SGCD: variants seen among roughly 807,000 people sequenced by gnomAD.
SGCD encodes the protein delta-sarcoglycan.
Under a neutral mutation model 36.6 loss-of-function variants are expected in SGCD, and 18 were observed. The ratio of observed to expected loss-of-function variants is 0.49; its 90% CI spans 0.34 to 0.73. SGCD has a LOEUF of 0.73. SGCD is among the 30% of genes least tolerant of loss of function. The pLI is 0.01. For synonymous variants in SGCD, 133 were observed against 130.6 expected, an observed-to-expected ratio of 1.02 and a Z score of -0.12; for missense variants, 387 against 346.7, an observed-to-expected ratio of 1.12 and a Z score of -0.92.
intron 3 of SGCD, among the ~76,000 whole-genome samples, chr5:156,433,151 A>G (rs188640738): frequency 1.1e-4 from 17 of 152,310 alleles, no homozygotes; most frequent in African/African-American, 3.1e-4. Flanking sequence ...TTACATTGCA[A>G]TCAGTTTGGA....
chr5:156,700,108 C>G (rs1373256901), intron 7 of SGCD, among the ~76,000 whole-genome samples: 1 of 152,166 alleles, frequency 6.6e-6, no homozygotes, highest in African/African-American at 2.4e-5. Flanking sequence ...CTCAGTCAAT[C>G]TAATTCTTTG....
chr5:156,396,693 CAG>C (rs934083903), intron 3 of SGCD, among the ~76,000 whole-genome samples: 10 of 151,986 alleles, frequency 6.6e-5, no homozygotes, highest in African/African-American at 2.4e-4. Context: ...GTGTGGGAGA[CAG>C]AAAAAAGAGT....
chr5:155,872,804 G>C (rs1395866868), intron 1 of SGCD, among the ~76,000 whole-genome samples: 1 of 152,178 alleles, frequency 6.6e-6, no homozygotes, highest in African/African-American at 2.4e-5. Context: ...GTGTGAGCAA[G>C]ATTTACGTGT....
chr5:156,112,257 T>C (rs1761805555), intron 1 of SGCD, among the ~76,000 whole-genome samples: 2 of 152,326 alleles, frequency 1.3e-5, no homozygotes, highest in East Asian at 1.9e-4. Context: ...TGGCACCAGA[T>C]GGCTAAGAAC....
chr5:156,458,741 T>A (rs1416047228), intron 3 of SGCD, among the ~76,000 whole-genome samples: 2 of 152,214 alleles, frequency 1.3e-5, no homozygotes, highest in Non-Finnish European at 2.9e-5. Context: ...ATCACGATCA[T>A]CCACCTGAAA....
At chr5:156,586,195 C>A (rs1035008201) in intron 4 of SGCD, among the ~76,000 whole-genome samples, 1 of 152,008 alleles carries the variant, frequency 6.6e-6, no homozygotes, top group African/African-American at 2.4e-5. Flanking sequence ...GTTTTGATGA[C>A]CTCGACAGTT....
intron 1 of SGCD, among the ~76,000 whole-genome samples, chr5:156,083,541 C>T (rs79716708): frequency 4.6e-5 from 7 of 151,438 alleles, no homozygotes; most frequent in East Asian, 3.9e-4. Context: ...GTGATCTGCC[C>T]GCCTCAACAT....
intron 1 of SGCD, among the ~76,000 whole-genome samples, chr5:155,968,552 ATTG>A (rs759450244): frequency 5.9e-5 from 9 of 151,748 alleles, no homozygotes; most frequent in Non-Finnish European, 8.8e-5. Flanking sequence ...TTTATTAATT[ATTG>A]TTGTTAATCT....
the SGCD span, among the ~76,000 whole-genome samples, chr5:155,805,190 G>A: frequency 6.6e-6 from 1 of 152,182 alleles, no homozygotes; most frequent in Admixed American, 6.5e-5. Flanking sequence ...GCTAATCAAG[G>A]GATAGAGGAG....
chr5:156,161,319 T>A (rs990616440), intron 3 of SGCD, among the ~76,000 whole-genome samples: 3 of 151,804 alleles, frequency 2.0e-5, no homozygotes, highest in Non-Finnish European at 2.9e-5. Context: ...TAGTAAACAT[T>A]CACTTTTATA....
chr5:156,721,711 A>G (rs1298365320), intron 7 of SGCD, among the ~76,000 whole-genome samples: 1 of 152,192 alleles, frequency 6.6e-6, no homozygotes, highest in Non-Finnish European at 1.5e-5. Context: ...CAAGTGGGGA[A>G]GAGAAGACCC....
At chr5:156,237,849 G>T (rs998233641) in intron 3 of SGCD, among the ~76,000 whole-genome samples, 1 of 152,060 alleles carries the variant, frequency 6.6e-6, no homozygotes, top group Admixed American at 6.6e-5. Flanking sequence ...CAGGATACAA[G>T]AGTCACAGAC....
chr5:155,748,906 C>T, the SGCD span, among the ~76,000 whole-genome samples: 1 of 152,140 alleles, frequency 6.6e-6, no homozygotes, highest in Admixed American at 6.5e-5. Context: ...CTCACAATGG[C>T]AAAAGTCTCT....
At chr5:156,238,174 C>G (rs1163503944) in intron 3 of SGCD, among the ~76,000 whole-genome samples, 1 of 152,188 alleles carries the variant, frequency 6.6e-6, no homozygotes, top group Non-Finnish European at 1.5e-5. Flanking sequence ...AATTCCTGGG[C>G]TCAAGCGATC....
intron 4 of SGCD, among the ~76,000 whole-genome samples, chr5:156,516,858 T>C (rs1757198772): frequency 1.3e-5 from 2 of 152,036 alleles, no homozygotes; most frequent in African/African-American, 4.8e-5. Flanking sequence ...TTAGCCAGGC[T>C]TGGTGGCACA....
At chr5:156,236,070 C>T (rs1208506237) in intron 3 of SGCD, among the ~76,000 whole-genome samples, 1 of 152,180 alleles carries the variant, frequency 6.6e-6, no homozygotes, top group Non-Finnish European at 1.5e-5. Flanking sequence ...TAGAATAGAT[C>T]ATTTTTGAAA....
At chr5:156,193,426 G>GT in intron 3 of SGCD, among the ~76,000 whole-genome samples, 1 of 152,304 alleles carries the variant, frequency 6.6e-6, no homozygotes, top group Middle Eastern at 3.4e-3. Flanking sequence ...TCACAAGCTA[G>GT]TTTATGTATC....
the SGCD span, among the ~76,000 whole-genome samples, chr5:155,788,951 G>A: frequency 6.6e-6 from 1 of 152,090 alleles, no homozygotes; most frequent in Non-Finnish European, 1.5e-5. Flanking sequence ...GGAATACTAG[G>A]GTGATTGGAG....
At chr5:156,442,843 C>T (rs934162552) in intron 3 of SGCD, among the ~76,000 whole-genome samples, 2 of 152,128 alleles carry the variant, frequency 1.3e-5, no homozygotes, top group African/African-American at 2.4e-5. Flanking sequence ...GGCTTATGTT[C>T]TAGTGGAGGA....
Sources: gnomAD v4.1 joint callset for allele counts (sites outside exome capture counted in the v4.1 genomes callset) on GRCh38, gnomAD v4.1.1 for gene constraint, MANE v1.5 for transcripts, NCBI Gene and HGNC (gene_info 2026-07-23, HGNC 2026-07-21) for gene names.